The following BTBD9 variants were observed in gnomAD, a reference collection of about 807,000 sequenced individuals.
The protein encoded by BTBD9 is BTB/POZ domain-containing protein 9.
A neutral mutation model predicts 64.3 loss-of-function variants in BTBD9; 49 were observed. The ratio of observed to expected loss-of-function variants is 0.76; its 90% CI spans 0.61 to 0.97. The LOEUF (loss-of-function observed/expected upper bound fraction) is 0.97. Ranked by LOEUF, BTBD9 falls within the 50% of genes least tolerant of loss-of-function variation. BTBD9 has a pLI of 0.00. For synonymous variants in BTBD9, 260 were observed against 274.7 expected, an observed-to-expected ratio of 0.95 and a Z score of 0.53; for missense variants, 598 against 762.1, an observed-to-expected ratio of 0.78 and a Z score of 2.53.
At chr6:38,528,475 C>T (rs1167024407) in intron 6 of BTBD9, among the ~76,000 whole-genome samples, 1 of 152,128 alleles carries the variant, frequency 6.6e-6, no homozygotes, top group Non-Finnish European at 1.5e-5. Flanking sequence ...CAACACCCCT[C>T]CCCCAATCCC....
chr6:38,191,821 GT>G (rs1440588393), intron 10 of BTBD9, among the ~76,000 whole-genome samples: 1 of 152,210 alleles, frequency 6.6e-6, no homozygotes, highest in Admixed American at 6.5e-5. Flanking sequence ...GTGTTCCGCT[GT>G]GCCGTGGAGC....
intron 6 of BTBD9, among the ~76,000 whole-genome samples, chr6:38,561,874 G>A (rs1006610914): frequency 5.3e-5 from 8 of 152,048 alleles, no homozygotes; most frequent in African/African-American, 1.2e-4. Flanking sequence ...AAACCTCAGC[G>A]AAACACAATA....
chr6:38,539,285 T>A (rs1774159184), intron 6 of BTBD9, among the ~76,000 whole-genome samples: 1 of 152,204 alleles, frequency 6.6e-6, no homozygotes, highest in South Asian at 2.1e-4. Context: ...ACAACGAATG[T>A]GACATTAATT....
At chr6:38,517,529 A>G (rs770724004) in intron 6 of BTBD9, among the ~76,000 whole-genome samples, 2 of 152,102 alleles carry the variant, frequency 1.3e-5, no homozygotes, top group African/African-American at 4.8e-5. Context: ...AGTGTAGTAC[A>G]TGGGATCTAG....
intron 3 of BTBD9, among the ~76,000 whole-genome samples, chr6:38,593,167 A>G (rs1042145712): frequency 2.0e-5 from 3 of 152,254 alleles, no homozygotes; most frequent in Admixed American, 2.0e-4. Context: ...ATTCTTCAAG[A>G]GAGTGTACAT....
At position 38,376,316 on chromosome 6, in the gene BTBD9, G is replaced by A. The variant is rs144342318; in HGVS notation, c.1155-31223C>T. 2.3e-3 allele frequency among the ~76,000 whole-genome samples: 356 copies of A among 152,240 alleles called. 3 individuals are homozygous for A. Among genetic ancestry groups the A allele is most frequent in the African/African-American group, 8.1e-3 (338 of 41,544 alleles). ...GGACCTGCTCGCTACAAATAATGCT[G>A]AAGAGTATTCCAAGGATGAAAATTA... is the stretch of plus-strand genomic sequence containing the variant. On this transcript the variant is annotated intron_variant, in intron 6 of 10. Transcript: ENST00000481247.
At chr6:38,435,355 G>C (rs1350798786) in intron 6 of BTBD9, among the ~76,000 whole-genome samples, 3 of 151,018 alleles carry the variant, frequency 2.0e-5, no homozygotes, top group Non-Finnish European at 2.9e-5. Flanking sequence ...ACAAAAATTA[G>C]CCCGGTGTGG....
At chr6:38,636,608 T>C (rs1161102911) in intron 1 of BTBD9, among the ~76,000 whole-genome samples, 1 of 152,244 alleles carries the variant, frequency 6.6e-6, no homozygotes, top group African/African-American at 2.4e-5. Context: ...CTCCAAAATC[T>C]ATCCATTCCC....
intron 9 of BTBD9, among the ~76,000 whole-genome samples, chr6:38,246,626 A>T (rs1330168441): frequency 6.6e-6 from 1 of 152,096 alleles, no homozygotes; most frequent in African/African-American, 2.4e-5. Context: ...AGAAAAGAAC[A>T]TGACTGGCTT....
chr6:38,499,074 G>A (rs977826596), intron 6 of BTBD9, among the ~76,000 whole-genome samples: 7 of 151,830 alleles, frequency 4.6e-5, no homozygotes, highest in African/African-American at 9.7e-5. Flanking sequence ...GCCTATTTTC[G>A]TCCGCTTTCT....
At chr6:38,278,598 C>T (rs1761383387) in intron 8 of BTBD9, among the ~76,000 whole-genome samples, 1 of 152,132 alleles carries the variant, frequency 6.6e-6, no homozygotes, top group Non-Finnish European at 1.5e-5. Context: ...TTGTCCTACT[C>T]CTGATGGAGA....
At chr6:38,216,804 G>A (rs370339340) in intron 9 of BTBD9, among the ~76,000 whole-genome samples, 3 of 152,126 alleles carry the variant, frequency 2.0e-5, no homozygotes, top group East Asian at 1.9e-4. Flanking sequence ...GGAGGGGTGT[G>A]CATCCACAAG....
intron 7 of BTBD9, among the ~76,000 whole-genome samples, chr6:38,288,986 A>G (rs1235465104): frequency 5.3e-5 from 8 of 152,226 alleles, no homozygotes; most frequent in African/African-American, 1.9e-4. Context: ...ATTCACTTAT[A>G]CAAAGTTTTC....
chr6:38,550,322 C>T (rs1398727486), intron 6 of BTBD9, among the ~76,000 whole-genome samples: 1 of 144,050 alleles, frequency 6.9e-6, no homozygotes, highest in Non-Finnish European at 1.5e-5. Flanking sequence ...TTTCTTTTTT[C>T]TTTTTTTTTT....
At chr6:38,609,609 CA>C (rs1777543780) in intron 1 of BTBD9, among the ~76,000 whole-genome samples, 1 of 152,044 alleles carries the variant, frequency 6.6e-6, no homozygotes. Context: ...TGTTTTAGAA[CA>C]AAAACTCTAA....
chr6:38,507,336 C>G (rs1772571005), intron 6 of BTBD9, among the ~76,000 whole-genome samples: 2 of 152,206 alleles, frequency 1.3e-5, no homozygotes, highest in South Asian at 4.1e-4. Context: ...ATGATTACTC[C>G]AGGAAGAAAT....
chr6:38,573,865 C>T (rs1775902135), intron 6 of BTBD9, among the ~76,000 whole-genome samples: 1 of 151,988 alleles, frequency 6.6e-6, no homozygotes, highest in South Asian at 2.1e-4. Flanking sequence ...GTACTAGGCT[C>T]GATCATCTAA....
intron 7 of BTBD9, 114 bp downstream of exon 7, chr6:38,344,870 G>T: frequency 1.8e-6 from 1 of 549,166 alleles, no homozygotes; most frequent in Non-Finnish European, 3.1e-6. Context: ...TAGCAATAAG[G>T]CATTTAAATC....
At chr6:38,275,370 C>T (rs552497383) in intron 8 of BTBD9, among the ~76,000 whole-genome samples, 1,898 of 151,952 alleles carry the variant, frequency 0.012, 32 homozygotes, top group African/African-American at 0.039. Context: ...AAGACTTAAA[C>T]GTTAGACCTA....
Sources: gnomAD v4.1 joint callset for allele counts (sites outside exome capture counted in the v4.1 genomes callset) on GRCh38, gnomAD v4.1.1 for gene constraint, MANE v1.5 for transcripts, NCBI Gene and HGNC (gene_info 2026-07-23, HGNC 2026-07-21) for gene names.